The following EXOC6 variants were observed in gnomAD, a reference collection of about 807,000 sequenced individuals.
EXOC6 encodes SEC15-like 1.
EXOC6 carries 60 observed loss-of-function variants against 112.5 expected under a neutral mutation model. The ratio of observed to expected loss-of-function variants is 0.53; its 90% CI spans 0.43 to 0.66. The LOEUF (loss-of-function observed/expected upper bound fraction) is 0.66, where lower values mean the gene tolerates loss of function less well. Ranked by LOEUF, EXOC6 falls within the 30% of genes least tolerant of loss-of-function variation. The probability of loss-of-function intolerance (pLI) is 0.00; values close to 1 mark genes in which losing one functional copy is unlikely to be tolerated. For missense variants in EXOC6, 855 were observed against 957.1 expected (o/e 0.89, Z 1.41); for synonymous variants, 295 against 308.0 (o/e 0.96, Z 0.44).
At chr10:92,926,838 T>C (rs1851753333) in intron 8 of EXOC6, among the ~76,000 whole-genome samples, 1 of 152,154 alleles carries the variant, frequency 6.6e-6, no homozygotes, top group Non-Finnish European at 1.5e-5. Context: ...CGGCCCCATA[T>C]TTTTTTAAAT....
intron 1 of EXOC6, among the ~76,000 whole-genome samples, chr10:92,857,743 G>C (rs1847671534): frequency 6.6e-6 from 1 of 151,670 alleles, no homozygotes; most frequent in Admixed American, 6.6e-5. Context: ...CATTTATACT[G>C]TATTTTATAA....
chr10:92,885,921 T>C (rs763090159), intron 1 of EXOC6, among the ~76,000 whole-genome samples: 12 of 152,160 alleles, frequency 7.9e-5, no homozygotes, highest in Non-Finnish European at 1.5e-4. Context: ...TTATTGGATG[T>C]GGGAGAATGG....
chr10:92,941,640 TAGAGAC>T (rs1249997962), intron 13 of EXOC6, among the ~76,000 whole-genome samples: 1 of 152,204 alleles, frequency 6.6e-6, no homozygotes, highest in African/African-American at 2.4e-5. Context: ...TATTTTGTAT[TAGAGAC>T]AGAAATTTAC....
At chr10:92,993,861 TA>T (rs1026055471) in intron 18 of EXOC6, among the ~76,000 whole-genome samples, 1 of 152,334 alleles carries the variant, frequency 6.6e-6, no homozygotes, top group African/African-American at 2.4e-5. Context: ...AGTGAGGGAC[TA>T]TTGGGTAAAG....
rs545720169 is a variant in EXOC6, at chr10:92,953,849, T to C, written c.1527-781T>C. Among the ~76,000 whole-genome samples the C allele has an allele frequency of 1.4e-4, 21 of 152,342 alleles. No homozygotes were observed. In the South Asian group the frequency reaches 3.9e-3, roughly 29 times the overall value. On this transcript the variant is annotated intron_variant, in intron 15 of 21. Coordinates refer to ENST00000260762, the MANE Select transcript of EXOC6 (RefSeq NM_019053.6). ...TAAGGTAATTTATTTCTTTGAAGAC[T>C]TAAAAAATCAATGAAAATGGATAAC... is the stretch of plus-strand genomic sequence containing the variant.
At chr10:92,949,299 T>C (rs1008776476) in intron 14 of EXOC6, among the ~76,000 whole-genome samples, 4 of 151,954 alleles carry the variant, frequency 2.6e-5, no homozygotes, top group Non-Finnish European at 5.9e-5. Context: ...TGTGTACTAG[T>C]CACTAAATAC....
At chr10:92,991,427 C>A (rs1343858448) in intron 18 of EXOC6, among the ~76,000 whole-genome samples, 2 of 142,210 alleles carry the variant, frequency 1.4e-5, no homozygotes, top group Admixed American at 1.4e-4. Flanking sequence ...CAGAGTGAGA[C>A]TCCATCTCAA....
intron 1 of EXOC6, among the ~76,000 whole-genome samples, chr10:92,835,787 TG>T (rs1338505122): frequency 6.6e-6 from 1 of 152,236 alleles, no homozygotes; most frequent in Non-Finnish European, 1.5e-5. Context: ...TGAGATTTGT[TG>T]GTTGATTCTT....
Position 92,936,849 on chromosome 10 carries a change from G to A in EXOC6, c.1212+964G>A, listed in dbSNP as rs115106074. ...TCGATATTAGGAAAAATATCACAGC[G>A]GGGGGTTTATAACCTCTGCGATATT... On this transcript the variant is annotated intron_variant, in intron 12 of 21. Transcript: ENST00000260762. 5.1e-3 allele frequency among the ~76,000 whole-genome samples: 780 copies of A among 151,942 alleles called. 7 individuals carry two copies. Among genetic ancestry groups the A allele is most frequent in the African/African-American group, 0.018 (741 of 41,430 alleles).
At position 92,955,694 on chromosome 10, in the gene EXOC6, T is replaced by C. The variant is rs772778575; in HGVS notation, c.1753T>C (p.Tyr585His). 4.3e-6 allele frequency: 7 copies of C among 1,610,226 alleles called. No homozygotes were observed. The highest frequency in any genetic ancestry group is 3.4e-5 in the Admixed American group (2 of 59,120). The change falls in exon 17 of 22, where the codon TAT becomes CAT. Residue 585 changes from tyrosine to histidine, a missense_variant. Coordinates refer to ENST00000260762, the MANE Select transcript of EXOC6 (RefSeq NM_019053.6). Reference protein sequence around the residue: ...SQETVHTTRLYGLSTFKDARH... With the variant: ...SQETVHTTRLHGLSTFKDARH... The stretch of plus-strand genomic sequence containing the variant: ...AGAAACTGTTCATACTACAAGACTT[T>C]ATGGACTTTCTACTTTCAAGGTATG...
At chr10:92,845,684 A>T (rs1847025379), upstream of EXOC6, among the ~76,000 whole-genome samples, 1 of 152,134 alleles carries the variant, frequency 6.6e-6, no homozygotes, top group South Asian at 2.1e-4. Context: ...CACGCCTGTA[A>T]TCCCAACACT....
At chr10:92,977,692 CAT>C (rs199959890) in intron 18 of EXOC6, among the ~76,000 whole-genome samples, 124 of 150,834 alleles carry the variant, frequency 8.2e-4, no homozygotes, top group Middle Eastern at 3.4e-3. Context: ...CACACACACA[CAT>C]ACACACACAC....
intron 13 of EXOC6, among the ~76,000 whole-genome samples, chr10:92,945,183 T>A (rs1221082949): frequency 1.3e-5 from 2 of 152,222 alleles, no homozygotes; most frequent in Non-Finnish European, 2.9e-5. Context: ...TTGATAAATA[T>A]CTATTCAGGT....
At chr10:92,835,444 G>C (rs948804938) in intron 1 of EXOC6, among the ~76,000 whole-genome samples, 26 of 152,182 alleles carry the variant, frequency 1.7e-4, no homozygotes, top group Admixed American at 1.5e-3. Context: ...TCAAAGGGCA[G>C]CTTTTAAAAT....
chr10:92,851,753 C>T (rs1589696897), intron 1 of EXOC6, among the ~76,000 whole-genome samples: 1 of 151,344 alleles, frequency 6.6e-6, no homozygotes, highest in East Asian at 1.9e-4. Context: ...ATAGATTCTA[C>T]AGACATTAAA....
upstream of EXOC6, among the ~76,000 whole-genome samples, chr10:92,847,639 C>T (rs564890901): frequency 2.4e-4 from 37 of 152,250 alleles, no homozygotes; most frequent in Non-Finnish European, 5.0e-4. Context: ...CTGGTTTACT[C>T]AGTGTCCCAC....
At chr10:92,994,344 A>G (rs1311135546) in intron 18 of EXOC6, among the ~76,000 whole-genome samples, 1 of 152,228 alleles carries the variant, frequency 6.6e-6, no homozygotes, top group Non-Finnish European at 1.5e-5. Flanking sequence ...CGGTAATGCA[A>G]AAAGGATCTA....
chr10:92,886,128 A>G (rs1188880546), intron 1 of EXOC6, among the ~76,000 whole-genome samples: 3 of 152,256 alleles, frequency 2.0e-5, no homozygotes, highest in Admixed American at 6.5e-5. Flanking sequence ...GCACATTCAT[A>G]TATGAATTAG....
intron 17 of EXOC6, among the ~76,000 whole-genome samples, chr10:92,973,755 C>T (rs1265857538): frequency 6.6e-6 from 1 of 152,078 alleles, no homozygotes; most frequent in Non-Finnish European, 1.5e-5. Context: ...TTCTGTTTCT[C>T]CTAAGGGTCC....
Sources: gnomAD v4.1 joint callset for allele counts (sites outside exome capture counted in the v4.1 genomes callset) on GRCh38, gnomAD v4.1.1 for gene constraint, MANE v1.5 for transcripts, NCBI Gene and HGNC (gene_info 2026-07-23, HGNC 2026-07-21) for gene names.